The following KHDRBS3 variants were observed in gnomAD, a reference collection of about 807,000 sequenced individuals.
KHDRBS3 encodes the protein KH domain-containing, RNA-binding, signal transduction-associated protein 3.
KHDRBS3 carries 23 observed loss-of-function variants against 45.6 expected under a neutral mutation model. That is an observed-to-expected ratio of 0.50 (90% CI 0.36 to 0.72). KHDRBS3 has a LOEUF of 0.72. KHDRBS3 is among the 30% of genes least tolerant of loss of function. The pLI is 0.00. For synonymous variants in KHDRBS3, 162 were observed against 156.5 expected (o/e 1.04, Z -0.26); for missense variants, 352 against 424.8 (o/e 0.83, Z 1.51).
intron 5 of KHDRBS3, among the ~76,000 whole-genome samples, chr8:135,561,127 C>T (rs1827147403): frequency 6.6e-6 from 1 of 152,134 alleles, no homozygotes. Context: ...TTAACCAACC[C>T]TAGGGTAGAA....
chr8:135,536,692 G>A (rs1825774188), intron 2 of KHDRBS3, among the ~76,000 whole-genome samples: 1 of 151,984 alleles, frequency 6.6e-6, no homozygotes, highest in Admixed American at 6.6e-5. Context: ...CGGGCGCGGT[G>A]GCTCACGCCT....
chr8:135,586,981 T>C (rs982445125), intron 6 of KHDRBS3, among the ~76,000 whole-genome samples: 4 of 152,240 alleles, frequency 2.6e-5, no homozygotes, highest in African/African-American at 7.2e-5. Context: ...TTATGTGTAC[T>C]GCAAGTATTC....
intron 1 of KHDRBS3, among the ~76,000 whole-genome samples, chr8:135,463,067 C>T (rs557977806): frequency 6.6e-6 from 1 of 152,294 alleles, no homozygotes; most frequent in African/African-American, 2.4e-5. Context: ...TGCCTGTTTT[C>T]TGGTGTCACA....
At chr8:135,656,428 T>C (rs1447357077) in exon 5 of KHDRBS3, 1 of 152,232 alleles carries the variant, frequency 6.6e-6, no homozygotes, top group African/African-American at 2.4e-5. Flanking sequence ...AGAAAATCTA[T>C]CTTATTTTGT....
At chr8:135,582,932 G>A (rs1828287053) in intron 6 of KHDRBS3, among the ~76,000 whole-genome samples, 1 of 152,148 alleles carries the variant, frequency 6.6e-6, no homozygotes, top group African/African-American at 2.4e-5. Flanking sequence ...TGTGGCCACT[G>A]GTAAGATCAA....
intron 7 of KHDRBS3, among the ~76,000 whole-genome samples, chr8:135,613,022 C>T (rs974601009): frequency 6.6e-6 from 1 of 151,856 alleles, no homozygotes; most frequent in African/African-American, 2.4e-5. Flanking sequence ...CTGGCTGTGT[C>T]TGTCTCTGGC....
At chr8:135,525,753 A>T (rs896273117) in intron 2 of KHDRBS3, among the ~76,000 whole-genome samples, 14 of 152,218 alleles carry the variant, frequency 9.2e-5, no homozygotes, top group African/African-American at 3.4e-4. Context: ...TGTGCTCAAT[A>T]TGCTCTGTAT....
At chr8:135,578,127 G>A (rs541010407) in intron 5 of KHDRBS3, among the ~76,000 whole-genome samples, 218 of 152,192 alleles carry the variant, frequency 1.4e-3, no homozygotes, top group Middle Eastern at 3.4e-3. Context: ...CTGTGTTTTG[G>A]ATACAAATCC....
chr8:135,517,725 G>A lies in KHDRBS3; in HGVS notation c.89-3512G>A, dbSNP rs555427333. ...TTTAAACCAGGTCTGTTTGACTCCC[G>A]CGATGGGGCTCAGGGCTCTTTGCAT... is the stretch of plus-strand genomic sequence containing the variant. On this transcript the variant is annotated intron_variant, in intron 1 of 8. Coordinates refer to ENST00000355849, the MANE Select transcript of KHDRBS3 (RefSeq NM_006558.3). Among the ~76,000 whole-genome samples, 20 of 152,234 alleles carry A rather than the reference G, an allele frequency of 1.3e-4. No individual in the cohort carries two copies. In the East Asian group the frequency reaches 2.9e-3, roughly 22 times the overall value.
chr8:135,567,357 CATTTTCATTAGTAT>C (rs1263919276), intron 5 of KHDRBS3, among the ~76,000 whole-genome samples: 9 of 152,070 alleles, frequency 5.9e-5, no homozygotes, highest in African/African-American at 1.7e-4. Context: ...TTCCATCAGA[CATTTTCATTAGTAT>C]ATTTTCATTA....
Position 135,611,499 on chromosome 8 carries a change from T to TGC in KHDRBS3, c.890+4462_890+4463insGC, listed in dbSNP as rs1432058265. On this transcript the variant is annotated intron_variant, in intron 7 of 8. Coordinates refer to ENST00000355849, the MANE Select transcript of KHDRBS3 (RefSeq NM_006558.3). ...GAAATGGTTCTATGCACCATATTAG[T>TGC]TTACTATATGGGGCTGCCATAATAA... Among the ~76,000 whole-genome samples the TGC allele has an allele frequency of 5.9e-5, 9 of 151,976 alleles. No homozygotes were observed. The East Asian group carries it at 1.7e-3, about 29-fold the overall frequency.
intron 1 of KHDRBS3, among the ~76,000 whole-genome samples, chr8:135,471,857 C>T (rs1201464378): frequency 6.6e-6 from 1 of 152,226 alleles, no homozygotes; most frequent in African/African-American, 2.4e-5. Context: ...TCTGTGCATG[C>T]AACATTGCAT....
intron 6 of KHDRBS3, among the ~76,000 whole-genome samples, chr8:135,600,398 C>T (rs1400774554): frequency 3.3e-5 from 5 of 152,098 alleles, no homozygotes; most frequent in African/African-American, 1.2e-4. Context: ...TGAAATGATT[C>T]ACATTAGGAA....
At chr8:135,602,635 A>C (rs1025682345) in intron 6 of KHDRBS3, among the ~76,000 whole-genome samples, 4 of 152,208 alleles carry the variant, frequency 2.6e-5, no homozygotes, top group African/African-American at 9.7e-5. Flanking sequence ...GCACAGAAAT[A>C]GAATTCTTTG....
chr8:135,511,532 TG>T (rs775904442), intron 1 of KHDRBS3, among the ~76,000 whole-genome samples: 6 of 150,858 alleles, frequency 4.0e-5, no homozygotes, highest in Non-Finnish European at 7.4e-5. Context: ...ATATTTGCTC[TG>T]TTTTTTTGTT....
At chr8:135,542,631 A>G (rs1826099594) in intron 2 of KHDRBS3, 23 bp from the exon 3 acceptor site, 2 of 1,466,440 alleles carry the variant, frequency 1.4e-6, no homozygotes, top group South Asian at 1.1e-5. Context: ...AATGCTACAA[A>G]TTTGGTTGTT....
chr8:135,531,786 G>A (rs74465271), intron 2 of KHDRBS3, among the ~76,000 whole-genome samples: 1 of 152,104 alleles, frequency 6.6e-6, no homozygotes, highest in African/African-American at 2.4e-5. Context: ...GGGCTAGAAT[G>A]ACTTCATTAT....
intron 7 of KHDRBS3, among the ~76,000 whole-genome samples, chr8:135,644,214 G>A (rs1831188255): frequency 6.6e-6 from 1 of 152,186 alleles, no homozygotes; most frequent in East Asian, 1.9e-4. Flanking sequence ...TTGTATATAT[G>A]TAGGCTGTTT....
At chr8:135,594,716 G>A (rs907474960) in intron 6 of KHDRBS3, among the ~76,000 whole-genome samples, 3 of 152,162 alleles carry the variant, frequency 2.0e-5, no homozygotes, top group Non-Finnish European at 4.4e-5. Flanking sequence ...GTGCTAGAAT[G>A]ACTAAAATTA....
Sources: gnomAD v4.1 joint callset for allele counts (sites outside exome capture counted in the v4.1 genomes callset) on GRCh38, gnomAD v4.1.1 for gene constraint, MANE v1.5 for transcripts, NCBI Gene and HGNC (gene_info 2026-07-23, HGNC 2026-07-21) for gene names.